FBXL14: variants seen among roughly 807,000 people sequenced by gnomAD.
FBXL14 encodes the protein F-box/LRR-repeat protein 14.
Under a neutral mutation model 24.5 loss-of-function variants are expected in FBXL14, and 11 were observed. That is an observed-to-expected ratio of 0.45 (90% confidence interval 0.28 to 0.74). The LOEUF (loss-of-function observed/expected upper bound fraction) is 0.74. FBXL14 is among the 30% of genes least tolerant of loss of function. The pLI is 0.12. For missense variants in FBXL14, 384 were observed against 545.6 expected (o/e 0.70, Z 2.95); for synonymous variants, 294 against 240.4 (o/e 1.22, Z -2.06).
chr12:1,581,961 C>T lies in FBXL14; in HGVS notation c.1194+10912G>A, dbSNP rs1179916428. 2.6e-5 allele frequency among the ~76,000 whole-genome samples: 4 copies of T among 152,070 alleles called. No individual in the cohort carries two copies. The South Asian group carries it at 6.2e-4, about 24-fold the overall frequency. On this transcript the variant is annotated intron_variant, in intron 1 of 1. Transcript: ENST00000339235. ...CCAACATGGCAAAACCCTGTCTCTA[C>T]TAAAAAATACAAAAATTAGCCAGGC...
At chr12:1,570,547 A>G (rs2094443703) in intron 1 of FBXL14, among the ~76,000 whole-genome samples, 1 of 152,008 alleles carries the variant, frequency 6.6e-6, no homozygotes, top group South Asian at 2.1e-4. Flanking sequence ...CTGCCTGCTG[A>G]GCTGACGCTG....
At position 1,593,330 on chromosome 12, in the gene FBXL14, A is replaced by C; in HGVS notation, c.737T>G (p.Leu246Arg). 6.2e-7 allele frequency: 1 copy of C among 1,613,676 alleles called. No individual in the cohort carries two copies. The highest frequency in any genetic ancestry group is 8.5e-7 in the Non-Finnish European group (1 of 1,180,046). ...GCTGCCCATGTGCGACAGGTGCAGG[A>C]GGCCAGCGTCCGAGATTCCCCCACA... ...SFCGGISDAG[L>R]LHLSHMGSLR... Residue 246 changes from leucine to arginine, a missense_variant, in exon 1 of 2, where the codon CTC (leucine) becomes CGC (arginine). Transcript: ENST00000339235. The surrounding 1 kb of genome is among the most constrained non-coding windows in gnomAD (Gnocchi z 7.4).
intron 1 of FBXL14, among the ~76,000 whole-genome samples, chr12:1,581,364 G>T (rs1342371973): frequency 6.6e-6 from 1 of 152,148 alleles, no homozygotes; most frequent in Non-Finnish European, 1.5e-5. Context: ...TTTGGGGAAG[G>T]TCCCCTACAA....
intron 1 of FBXL14, among the ~76,000 whole-genome samples, chr12:1,582,508 A>T (rs1170866432): frequency 1.3e-5 from 2 of 151,992 alleles, no homozygotes; most frequent in Non-Finnish European, 2.9e-5. Flanking sequence ...GCCTTCCCTG[A>T]ATCTGTATTC....
rs371204698 is a variant in FBXL14 at position 1,567,928 on chromosome 12, A to G, written c.1195-1118T>C. Among the ~76,000 whole-genome samples the G allele has an allele frequency of 2.0e-5, 3 of 152,392 alleles. No individual in the cohort carries two copies. Among genetic ancestry groups the G allele is most frequent in the East Asian group, 3.9e-4 (2 of 5,192 alleles). ...GCACACACACAGAACAGAATATCCA[A>G]GAACTGTGGGACATCTACAAAAGGT... On this transcript the variant is annotated intron_variant, in intron 1 of 1. Coordinates refer to ENST00000339235, the MANE Select transcript of FBXL14 (RefSeq NM_152441.3). This position sits in a 1 kb window ranked among gnomAD's most constrained non-coding sequence, Gnocchi z 4.8.
chr12:1,586,246 T>A (rs920974646), intron 1 of FBXL14, among the ~76,000 whole-genome samples: 1 of 151,504 alleles, frequency 6.6e-6, no homozygotes, highest in Non-Finnish European at 1.5e-5. Context: ...TTTAAGAAAC[T>A]TTTTTTTAAG....
At chr12:1,592,504 G>A (rs1362126651) in intron 1 of FBXL14, among the ~76,000 whole-genome samples, 1 of 152,134 alleles carries the variant, frequency 6.6e-6, no homozygotes, top group Non-Finnish European at 1.5e-5. Flanking sequence ...CAACTCCCCA[G>A]GGTTGAAAAG....
intron 1 of FBXL14, among the ~76,000 whole-genome samples, chr12:1,591,059 G>T (rs1449793987): frequency 1.3e-5 from 2 of 152,114 alleles, no homozygotes; most frequent in Admixed American, 6.6e-5. Context: ...TACAAATCTG[G>T]TTTTTTAAAA....
At chr12:1,578,672 A>G (rs978796829) in intron 1 of FBXL14, among the ~76,000 whole-genome samples, 3 of 152,088 alleles carry the variant, frequency 2.0e-5, no homozygotes, top group African/African-American at 7.2e-5. Context: ...AGTTTGTCCA[A>G]CATGGTATGT....
chr12:1,568,733 C>T (rs963954049), intron 1 of FBXL14, among the ~76,000 whole-genome samples: 5 of 152,044 alleles, frequency 3.3e-5, no homozygotes, highest in South Asian at 2.1e-4. Flanking sequence ...TGGTGGCGGG[C>T]GCCTGTAATC....
At chr12:1,573,578 C>T (rs1478118125) in intron 1 of FBXL14, among the ~76,000 whole-genome samples, 1 of 152,162 alleles carries the variant, frequency 6.6e-6, no homozygotes, top group Non-Finnish European at 1.5e-5. Context: ...AGCTGAGGGG[C>T]ACAGAGATAG....
Position 1,591,809 on chromosome 12 carries a change from G to T in FBXL14, c.1194+1064C>A, listed in dbSNP as rs543477338. Among the ~76,000 whole-genome samples, 20 of 152,222 alleles carry T rather than the reference G, an allele frequency of 1.3e-4. No homozygotes were observed. The South Asian group carries it at 3.9e-3, about 30-fold the overall frequency. On this transcript the variant is annotated intron_variant, in intron 1 of 1. Coordinates refer to ENST00000339235, the MANE Select transcript of FBXL14 (RefSeq NM_152441.3). ...GGAAGCCGCACTGTGTGACCTTTTT[G>T]GGGGGAAACTTGGAAGAGGGTGAGG...
At chr12:1,589,106 G>T (rs1394753324) in intron 1 of FBXL14, among the ~76,000 whole-genome samples, 2 of 151,296 alleles carry the variant, frequency 1.3e-5, no homozygotes, top group Non-Finnish European at 2.9e-5. Flanking sequence ...ATGGAGCCTG[G>T]GCCACGCAGA....
chr12:1,592,184 A>ATATATGTATATATATATATATATAATT (rs2094491698), intron 1 of FBXL14, among the ~76,000 whole-genome samples: 2 of 145,526 alleles, frequency 1.4e-5, no homozygotes, highest in Non-Finnish European at 3.0e-5. Context: ...AGCCAGACAT[A>ATATATGTATATATATATATATATAATT]TATATGTATA....
chr12:1,570,426 G>A (rs552741006), intron 1 of FBXL14, among the ~76,000 whole-genome samples: 1 of 152,270 alleles, frequency 6.6e-6, no homozygotes, highest in East Asian at 1.9e-4. Context: ...GTGGGCAAGA[G>A]GGCTCCGCAA....
chr12:1,593,383 C>T lies in FBXL14; in HGVS notation c.684G>A (p.Thr228=), dbSNP rs35510932. ...LSLKHISRGL[T]GLRLLNLSFC... is the part of the protein sequence containing the mutation. ...AGCTGAGGTTGAGGAGCCTCAGGCC[C>T]GTCAGCCCTCGGGAGATGTGCTTTA... Residue 228 remains threonine (T), a synonymous_variant, in exon 1 of 2, where the codon ACG becomes ACA. Coordinates refer to ENST00000339235, the MANE Select transcript of FBXL14 (RefSeq NM_152441.3). This position sits in a 1 kb window ranked among gnomAD's most constrained non-coding sequence, Gnocchi z 7.4. 6 of 1,614,004 alleles carry T rather than the reference C, an allele frequency of 3.7e-6. No individual in the cohort carries two copies. In the South Asian group the frequency reaches 4.4e-5, roughly 12 times the overall value.
At chr12:1,585,127 G>A (rs1029767632) in intron 1 of FBXL14, among the ~76,000 whole-genome samples, 4 of 152,154 alleles carry the variant, frequency 2.6e-5, no homozygotes, top group African/African-American at 4.8e-5. Flanking sequence ...GGCCGGGCGC[G>A]GTGGCTCACG....
At chr12:1,576,499 T>C (rs1215492625) in intron 1 of FBXL14, among the ~76,000 whole-genome samples, 3 of 152,216 alleles carry the variant, frequency 2.0e-5, no homozygotes, top group East Asian at 3.8e-4. Flanking sequence ...CTTGAATACA[T>C]GTTAACCTCA....
Position 1,566,152 on chromosome 12 carries a change from T to C in FBXL14, c.*596A>G, listed in dbSNP as rs2094435904. 1 of 152,618 alleles carries C rather than the reference T, an allele frequency of 6.6e-6. No individual in the cohort carries two copies. The highest frequency in any genetic ancestry group is 1.5e-5 in the Non-Finnish European group (1 of 68,044). 9.5% of individuals were successfully genotyped at this position (152,618 alleles called of 1,614,324 possible). ...ATGAATGATAATGATTTGTCAGTGA[T>C]TGAAATTGTTTCAGGGCAGGAACAG... On this transcript the variant is annotated 3_prime_UTR_variant, in exon 2 of 2. Transcript: ENST00000339235.
Sources: allele counts gnomAD v4.1 joint callset (sites outside exome capture counted in the v4.1 genomes callset), GRCh38; gene constraint gnomAD v4.1.1; non-coding constraint Gnocchi (gnomAD v3.1); transcripts MANE v1.5; gene names NCBI Gene and HGNC (gene_info 2026-07-23, HGNC 2026-07-21).